The following ARPP19 variants were observed in gnomAD, a reference collection of about 807,000 sequenced individuals.
ARPP19 encodes cAMP-regulated phosphoprotein 19.
ARPP19 carries 8 observed loss-of-function variants against 12.0 expected under a neutral mutation model. That is an observed-to-expected ratio of 0.67 (90% CI 0.39 to 1.21). The LOEUF (loss-of-function observed/expected upper bound fraction) is 1.21, where lower values mean the gene tolerates loss of function less well. Ranked by LOEUF, ARPP19 falls within the 50% of genes most tolerant of loss-of-function variation. The pLI is 0.01. For synonymous variants in ARPP19, 47 were observed against 50.4 expected, an observed-to-expected ratio of 0.93 and a Z score of 0.29; for missense variants, 102 against 136.3, an observed-to-expected ratio of 0.75 and a Z score of 1.25.
At chr15:52,557,602 G>C (rs2077992595) in intron 1 of ARPP19, 2 of 154,382 alleles carry the variant, frequency 1.3e-5, no homozygotes, top group South Asian at 2.0e-4. Context: ...AAAATATACA[G>C]AATTTTTTCT....
At chr15:52,568,803 A>C (rs2078111848) in intron 1 of ARPP19, 45 bp downstream of exon 1, 3 of 1,475,286 alleles carry the variant, frequency 2.0e-6, no homozygotes, top group Non-Finnish European at 2.7e-6. Flanking sequence ...CGCCCGCCAG[A>C]CCCGGCCTTG....
At chr15:52,560,695 A>G (rs1230881562) in intron 1 of ARPP19, among the ~76,000 whole-genome samples, 3 of 152,260 alleles carry the variant, frequency 2.0e-5, no homozygotes, top group Non-Finnish European at 4.4e-5. Flanking sequence ...GTGCTTGGAC[A>G]TGCATTAATA....
intron 2 of ARPP19, among the ~76,000 whole-genome samples, chr15:52,556,212 C>T (rs1473033230): frequency 6.6e-6 from 1 of 152,002 alleles, no homozygotes; most frequent in African/African-American, 2.4e-5. Context: ...AGCAAGGAGC[C>T]GATATCAGTA....
At position 52,547,234 on chromosome 15, in the gene ARPP19, T is replaced by C. The variant is rs2077885180; in HGVS notation, c.*4700A>G. ...TAATAAGACAAAACTGCAAATTAAATCAATAGAAATTAGGTAGATCCATTT... is the reference window on the plus strand; with the variant it reads ...TAATAAGACAAAACTGCAAATTAAACCAATAGAAATTAGGTAGATCCATTT... On this transcript the variant is annotated 3_prime_UTR_variant, in exon 3 of 3. Transcript: ENST00000249822. 1.3e-5 allele frequency: 2 copies of C among 152,074 alleles called. No individual in the cohort carries two copies. Among genetic ancestry groups the C allele is most frequent in the African/African-American group, 4.8e-5 (2 of 41,404 alleles). 9.4% of individuals were successfully genotyped at this position (152,074 alleles called of 1,614,324 possible). A position where few individuals can be genotyped will look rare whatever the true frequency, so the allele number is the denominator to read the frequency against.
chr15:52,551,811 A>G lies in ARPP19; in HGVS notation c.*123T>C. ...ATATTCCACAATAGCAGCACACACT[A>G]CTGCTACCTGCAAAGCTGTCAGTCT... On this transcript the variant is annotated 3_prime_UTR_variant, in exon 3 of 3. Coordinates refer to ENST00000249822, the MANE Select transcript of ARPP19 (RefSeq NM_006628.6). The G allele has an allele frequency of 1.4e-6, 1 of 739,702 alleles. No homozygotes were observed. The highest frequency in any genetic ancestry group is 1.7e-5 in the South Asian group (1 of 58,004). 45.8% of individuals were successfully genotyped at this position (739,702 alleles called of 1,614,324 possible).
chr15:52,558,485 A>AG (rs2078003119), intron 1 of ARPP19, among the ~76,000 whole-genome samples: 1 of 149,624 alleles, frequency 6.7e-6, no homozygotes, highest in African/African-American at 2.5e-5. Flanking sequence ...AAAAAAAAAA[A>AG]GAAAGAAAAA....
At chr15:52,559,720 G>A (rs1332548444) in intron 1 of ARPP19, among the ~76,000 whole-genome samples, 1 of 152,196 alleles carries the variant, frequency 6.6e-6, no homozygotes, top group African/African-American at 2.4e-5. Flanking sequence ...GGCGGGCTGA[G>A]TCACTGCACA....
chr15:52,547,920 TAG>T lies in ARPP19; in HGVS notation c.*4012_*4013del, dbSNP rs1419303452. ...TTAAGAAATAAGCAGGGATGGGGGA[TAG>T]AGAGGCAAAATGAGGTGAAAGAGAA... On this transcript the variant is annotated 3_prime_UTR_variant, in exon 3 of 3. Transcript: ENST00000249822. The T allele has an allele frequency of 6.6e-6, 1 of 152,206 alleles. No homozygotes were observed. The highest frequency in any genetic ancestry group is 1.9e-4 in the East Asian group (1 of 5,204). 9.4% of individuals were successfully genotyped at this position (152,206 alleles called of 1,614,324 possible).
At chr15:52,552,151 T>A in intron 2 of ARPP19, 47 bp from the exon 3 acceptor site, 1 of 1,139,866 alleles carries the variant, frequency 8.8e-7, no homozygotes, top group Non-Finnish European at 1.3e-6. Context: ...TAGCAATTAC[T>A]GATTTAAGAT....
chr15:52,568,866 G>A lies in ARPP19; in HGVS notation c.27C>T (p.Ala9=). 6.4e-7 allele frequency: 1 copy of A among 1,574,696 alleles called. No individual in the cohort carries two copies. Among genetic ancestry groups the A allele is most frequent in the African/African-American group, 1.4e-5 (1 of 70,674 alleles). The change falls in exon 1 of 3, where the codon GCC becomes GCT. Residue 9 remains alanine (A), a synonymous_variant. Transcript: ENST00000249822. The part of the protein sequence containing the change: MSAEVPEA[A]SAEEQKEMED... ...CGCTCACCTTCTGCTCCTCCGCGGA[G>A]GCTGCCTCGGGGACTTCCGCAGACA...
intron 2 of ARPP19, 60 bp from the exon 3 acceptor site, chr15:52,552,164 CG>C: frequency 2.1e-6 from 2 of 941,072 alleles, no homozygotes; most frequent in South Asian, 2.7e-5. Flanking sequence ...TTTAAGATGT[CG>C]ATGCAACCCC....
In ARPP19 at chr15:52,549,166, A is replaced by C. The variant is rs2077906347; in HGVS notation, c.*2768T>G. ...TTATTTCAGACTTTAGTTTTCATGA[A>C]GTATTTATCAACAACTTCAATTTAT... On this transcript the variant is annotated 3_prime_UTR_variant, in exon 3 of 3. Coordinates refer to ENST00000249822, the MANE Select transcript of ARPP19 (RefSeq NM_006628.6). 6.6e-6 allele frequency: 1 copy of C among 152,246 alleles called. No homozygotes were observed. The highest frequency in any genetic ancestry group is 1.5e-5 in the Non-Finnish European group (1 of 68,040). The allele number at this position is 152,246 out of a possible 1,614,324, so 9.4% of individuals were successfully genotyped here.
intron 1 of ARPP19, among the ~76,000 whole-genome samples, chr15:52,563,885 T>C (rs2078057789): frequency 6.6e-6 from 1 of 152,262 alleles, no homozygotes; most frequent in Admixed American, 6.5e-5. Context: ...GTTGTCATTC[T>C]ATTAAGTCTT....
upstream of ARPP19, chr15:52,569,118 G>A: frequency 1.9e-6 from 1 of 536,880 alleles, no homozygotes; most frequent in Non-Finnish European, 3.3e-6. Context: ...CTACCTACTT[G>A]ACCCCGCTTC....
chr15:52,553,235 A>G (rs2077952204), intron 2 of ARPP19, among the ~76,000 whole-genome samples: 1 of 152,216 alleles, frequency 6.6e-6, no homozygotes, highest in African/African-American at 2.4e-5. Context: ...AAATATAAAT[A>G]TTAGAGTAAT....
At chr15:52,566,662 C>A (rs2078085105) in intron 1 of ARPP19, among the ~76,000 whole-genome samples, 1 of 151,956 alleles carries the variant, frequency 6.6e-6, no homozygotes, top group Admixed American at 6.6e-5. Flanking sequence ...TCTCAAACTC[C>A]TGGCCTCAAG....
At chr15:52,567,966 T>G (rs1004788136) in intron 1 of ARPP19, among the ~76,000 whole-genome samples, 1 of 152,156 alleles carries the variant, frequency 6.6e-6, no homozygotes, top group African/African-American at 2.4e-5. Flanking sequence ...CGGCCCTTTC[T>G]CACTTCTCGG....
intron 1 of ARPP19, chr15:52,557,790 G>A (rs1045194934): frequency 1.3e-5 from 2 of 151,674 alleles, no homozygotes; most frequent in Non-Finnish European, 2.9e-5. Flanking sequence ...ATATTGCCTA[G>A]GCTGGTCTTG....
intron 2 of ARPP19, among the ~76,000 whole-genome samples, chr15:52,552,660 T>G (rs895456888): frequency 6.8e-6 from 1 of 146,360 alleles, no homozygotes; most frequent in East Asian, 2.3e-4. Flanking sequence ...TAAAGAACCA[T>G]CAAGACTAAT....
Sources: gnomAD v4.1 joint callset for allele counts (sites outside exome capture counted in the v4.1 genomes callset) on GRCh38, gnomAD v4.1.1 for gene constraint, MANE v1.5 for transcripts, NCBI Gene and HGNC (gene_info 2026-07-23, HGNC 2026-07-21) for gene names.